Variants in TAOK1 observed in about 807,000 individuals in gnomAD.
TAOK1 encodes serine/threonine-protein kinase TAO1.
Under a neutral mutation model 138.3 loss-of-function variants are expected in TAOK1, and 21 were observed. The ratio of observed to expected loss-of-function variants is 0.15; its 90% CI spans 0.11 to 0.22. The LOEUF (loss-of-function observed/expected upper bound fraction) is 0.22. TAOK1 is among the 10% of genes least tolerant of loss of function. TAOK1 has a pLI of 1.00. For missense variants in TAOK1, 651 were observed against 1,227.7 expected (o/e 0.53, Z 7.02); for synonymous variants, 361 against 398.4 (o/e 0.91, Z 1.12).
At chr17:29,491,735 T>G (rs772465902) in intron 9 of TAOK1, 49 bp from the exon 10 acceptor site, 1 of 1,373,232 alleles carries the variant, frequency 7.3e-7, no homozygotes, top group East Asian at 2.3e-5. Context: ...GTGAATGTAT[T>G]TTTAAAGGAA....
chr17:29,521,773 G>A (rs139527663), intron 16 of TAOK1, among the ~76,000 whole-genome samples: 2,584 of 152,250 alleles, frequency 0.017, 75 homozygotes, highest in African/African-American at 0.059. Flanking sequence ...TAGTAGAGAC[G>A]GGATTTCACC....
intron 1 of TAOK1, among the ~76,000 whole-genome samples, chr17:29,433,930 AG>A (rs768124016): frequency 1.3e-5 from 2 of 152,152 alleles, no homozygotes; most frequent in Non-Finnish European, 2.9e-5. Flanking sequence ...GCTCCCTAAG[AG>A]GCCTATTTAG....
intron 2 of TAOK1, among the ~76,000 whole-genome samples, chr17:29,461,955 T>C (rs1215601433): frequency 2.0e-5 from 3 of 152,186 alleles, no homozygotes; most frequent in Non-Finnish European, 4.4e-5. Flanking sequence ...TTGAATCTTT[T>C]TGCTGCAATT....
At chr17:29,411,229 C>T (rs1905135899) in intron 1 of TAOK1, among the ~76,000 whole-genome samples, 1 of 147,982 alleles carries the variant, frequency 6.8e-6, no homozygotes, top group African/African-American at 2.5e-5. Context: ...GTAGCTGGGA[C>T]TACAGGCGCC....
rs1465448207 is a variant in TAOK1 at position 29,547,848 on chromosome 17, A to C, written c.*4826A>C. ...AATTTCCCATCCTCAGATCCCTTAA[A>C]GGATGAAGAGTTGGCTGTACACTTA... On this transcript the variant is annotated 3_prime_UTR_variant, in exon 20 of 20. Transcript: ENST00000261716. 1 of 152,166 alleles carries C rather than the reference A, an allele frequency of 6.6e-6. No individual in the cohort carries two copies. The highest frequency in any genetic ancestry group is 1.5e-5 in the Non-Finnish European group (1 of 67,998). The allele number at this position is 152,166 out of a possible 1,614,324, so 9.4% of individuals were successfully genotyped here.
chr17:29,458,851 C>T (rs964231357), intron 2 of TAOK1, among the ~76,000 whole-genome samples: 38 of 152,228 alleles, frequency 2.5e-4, no homozygotes, highest in South Asian at 2.1e-4. Context: ...TGCGCCACCA[C>T]GCCCAGGTAA....
At chr17:29,541,531 T>G (rs946394424) in intron 19 of TAOK1, among the ~76,000 whole-genome samples, 1 of 151,774 alleles carries the variant, frequency 6.6e-6, no homozygotes, top group Non-Finnish European at 1.5e-5. Context: ...ATCCCAGCAC[T>G]TTGGGAGGCT....
intron 18 of TAOK1, among the ~76,000 whole-genome samples, chr17:29,533,286 G>A (rs1417135418): frequency 2.1e-5 from 3 of 145,166 alleles, no homozygotes; most frequent in Admixed American, 1.4e-4. Flanking sequence ...ATGGGATGGC[G>A]GCCGGGAAGA....
chr17:29,397,984 C>T (rs955690831), intron 1 of TAOK1, among the ~76,000 whole-genome samples: 6 of 151,838 alleles, frequency 4.0e-5, no homozygotes, highest in East Asian at 1.9e-4. Flanking sequence ...CCTTCAGGGC[C>T]GAAGCCGTGA....
chr17:29,434,227 AGTTT>A (rs1366486086), intron 1 of TAOK1, among the ~76,000 whole-genome samples: 1 of 152,140 alleles, frequency 6.6e-6, no homozygotes, highest in Non-Finnish European at 1.5e-5. Flanking sequence ...ACCAGTTTAA[AGTTT>A]GGGAAATTAA....
intron 15 of TAOK1, 62 bp from the exon 16 acceptor site, chr17:29,517,391 A>G (rs2031837156): frequency 3.2e-6 from 5 of 1,548,950 alleles, no homozygotes; most frequent in African/African-American, 1.4e-5. Context: ...GAGTGCTGGG[A>G]TTACAGGCGT....
intron 1 of TAOK1, among the ~76,000 whole-genome samples, chr17:29,399,647 C>T (rs1904777487): frequency 6.6e-6 from 1 of 152,168 alleles, no homozygotes; most frequent in Non-Finnish European, 1.5e-5. Flanking sequence ...GTCTGACATA[C>T]ATTTTTGAAA....
chr17:29,430,038 TC>T (rs1193817670), intron 1 of TAOK1, among the ~76,000 whole-genome samples: 1 of 152,192 alleles, frequency 6.6e-6, no homozygotes, highest in Admixed American at 6.5e-5. Context: ...AGCTTTTTCT[TC>T]CATTTGAATC....
chr17:29,484,094 C>G (rs1567731172), intron 8 of TAOK1, among the ~76,000 whole-genome samples: 1 of 152,178 alleles, frequency 6.6e-6, no homozygotes, highest in South Asian at 2.1e-4. Context: ...AGAACAAAAT[C>G]TACCTAAACT....
chr17:29,403,558 C>T (rs1437652260), intron 1 of TAOK1, among the ~76,000 whole-genome samples: 1 of 152,086 alleles, frequency 6.6e-6, no homozygotes, highest in Non-Finnish European at 1.5e-5. Context: ...AAGTAATCTC[C>T]TGCTGCATAA....
At chr17:29,430,289 C>G (rs1005912561) in intron 1 of TAOK1, among the ~76,000 whole-genome samples, 1 of 152,074 alleles carries the variant, frequency 6.6e-6, no homozygotes, top group African/African-American at 2.4e-5. Context: ...TCAAATACCC[C>G]CTAGAAGTTT....
Position 29,551,655 on chromosome 17 carries a change from T to TC in TAOK1, c.*8635dup, listed in dbSNP as rs2032497691. ...TGCATTTTCCTTTTGGTATAAATGG[T>TC]CCACAGCACTAACTGGTAAGGCTTA... On this transcript the variant is annotated 3_prime_UTR_variant, in exon 20 of 20. Transcript: ENST00000261716. The TC allele has an allele frequency of 6.6e-6, 1 of 152,640 alleles. No individual in the cohort carries two copies. 9.5% of individuals were successfully genotyped at this position (152,640 alleles called of 1,614,324 possible). A position where few individuals can be genotyped will look rare whatever the true frequency, so the allele number is the denominator to read the frequency against.
chr17:29,520,111 G>A (rs908716905), intron 16 of TAOK1, among the ~76,000 whole-genome samples: 7 of 151,658 alleles, frequency 4.6e-5, no homozygotes, highest in Middle Eastern at 3.4e-3. Flanking sequence ...AACCTGGGAG[G>A]CGGAGGTTGC....
chr17:29,497,645 T>TA (rs969027697), intron 11 of TAOK1, among the ~76,000 whole-genome samples: 1 of 147,992 alleles, frequency 6.8e-6, no homozygotes, highest in African/African-American at 2.5e-5. Flanking sequence ...CAAGAAGAGG[T>TA]AGGAATTAAT....
Sources: allele counts gnomAD v4.1 joint callset (sites outside exome capture counted in the v4.1 genomes callset), GRCh38; gene constraint gnomAD v4.1.1; transcripts MANE v1.5; gene names NCBI Gene and HGNC (gene_info 2026-07-23, HGNC 2026-07-21).